The following TBC1D32 variants were observed in gnomAD, a reference collection of about 807,000 sequenced individuals.
TBC1D32 encodes the protein TBC1 domain family member 32.
In TBC1D32, 151 loss-of-function variants were observed where a neutral mutation model predicts 170.3. That is an observed-to-expected ratio of 0.89 (90% CI 0.78 to 1.01). The LOEUF is 1.01. Ranked by LOEUF, TBC1D32 falls within the 50% of genes least tolerant of loss-of-function variation. The probability of loss-of-function intolerance (pLI) is 0.00; values close to 1 mark genes in which losing one functional copy is unlikely to be tolerated. For missense variants in TBC1D32, 1,464 were observed against 1,457.1 expected (o/e 1.00, Z -0.08); for synonymous variants, 498 against 488.0 (o/e 1.02, Z -0.27).
intron 20 of TBC1D32, among the ~76,000 whole-genome samples, chr6:121,228,598 T>C (rs1795339340): frequency 6.6e-6 from 1 of 152,116 alleles, no homozygotes; most frequent in African/African-American, 2.4e-5. Context: ...TTAATTTCAT[T>C]GTGGTTATAG....
At chr6:121,170,397 A>G (rs1437878836) in intron 22 of TBC1D32, 1 of 1,594,974 alleles carries the variant, frequency 6.3e-7, no homozygotes, top group Non-Finnish European at 8.5e-7. Flanking sequence ...TTAATCACCC[A>G]TTTTTACCTG....
In TBC1D32 at chr6:121,192,082, A is replaced by ATATATC. The variant is rs57260767; in HGVS notation, c.2570+12992_2570+12993insGATATA. ...AACTACCCTTTATATATATATATAT[A>ATATATC]TCCTATTAGTTCTATCCTTCTGGGG... On this transcript the variant is annotated intron_variant, in intron 22 of 31. Transcript: ENST00000398212. Among the ~76,000 whole-genome samples, 117 of 133,694 alleles carry ATATATC rather than the reference A, an allele frequency of 8.8e-4. 1 individual carries two copies. Among genetic ancestry groups the ATATATC allele is most frequent in the African/African-American group, 2.9e-3 (112 of 38,850 alleles). 87.7% of individuals were successfully genotyped at this position (133,694 alleles called of 152,430 possible). A position where few individuals can be genotyped will look rare whatever the true frequency, so the allele number is the denominator to read the frequency against.
At chr6:121,269,551 G>A (rs1248086673) in intron 15 of TBC1D32, among the ~76,000 whole-genome samples, 4 of 152,044 alleles carry the variant, frequency 2.6e-5, no homozygotes, top group East Asian at 1.9e-4. Context: ...CAATTCAACA[G>A]GAAGAGCTAA....
rs1419080923 is a variant in TBC1D32 at position 121,079,792 on chromosome 6, C to G, written c.*979G>C. ...CTCCTTTATATTTTCAAGTTCAGTACAAGTAAAATATATCACTAAGGAAAA... is the reference window on the plus strand; with the variant it reads ...CTCCTTTATATTTTCAAGTTCAGTAGAAGTAAAATATATCACTAAGGAAAA... On this transcript the variant is annotated 3_prime_UTR_variant, in exon 32 of 32. Transcript: ENST00000398212. 6.6e-6 allele frequency: 1 copy of G among 151,958 alleles called. No homozygotes were observed. The highest frequency in any genetic ancestry group is 1.9e-4 in the East Asian group (1 of 5,192). 9.4% of individuals were successfully genotyped at this position (151,958 alleles called of 1,614,324 possible).
chr6:121,100,132 C>G (rs1777855868), intron 30 of TBC1D32, among the ~76,000 whole-genome samples: 1 of 151,898 alleles, frequency 6.6e-6, no homozygotes, highest in African/African-American at 2.4e-5. Flanking sequence ...GTCTGAGAGA[C>G]AGTTTGTTAC....
intron 29 of TBC1D32, among the ~76,000 whole-genome samples, chr6:121,111,988 T>C (rs1187627521): frequency 6.6e-6 from 1 of 152,148 alleles, no homozygotes. Context: ...TTGAAGGATA[T>C]ACTTACCTCT....
chr6:121,145,697 A>T (rs1170854515), intron 24 of TBC1D32, among the ~76,000 whole-genome samples: 3 of 152,212 alleles, frequency 2.0e-5, no homozygotes, highest in African/African-American at 7.2e-5. Context: ...ATTTCAAAAC[A>T]TGTTGTACAT....
intron 15 of TBC1D32, among the ~76,000 whole-genome samples, chr6:121,257,243 C>CT (rs113769868): frequency 0.014 from 2,171 of 151,020 alleles, 15 homozygotes; most frequent in Middle Eastern, 0.034. Context: ...GTTTCGTTTC[C>CT]TTTTTTTTTC....
At chr6:121,231,978 C>A (rs1290994551) in intron 20 of TBC1D32, among the ~76,000 whole-genome samples, 1 of 152,094 alleles carries the variant, frequency 6.6e-6, no homozygotes, top group Non-Finnish European at 1.5e-5. Context: ...AATTCCTAGT[C>A]ATAAAGTCTT....
chr6:121,299,146 C>T (rs1038417159), intron 10 of TBC1D32, among the ~76,000 whole-genome samples: 3 of 151,984 alleles, frequency 2.0e-5, no homozygotes, highest in Non-Finnish European at 4.4e-5. Flanking sequence ...TGATGTGAAT[C>T]GAACTACATG....
chr6:121,155,610 A>G (rs1031445295), intron 24 of TBC1D32, among the ~76,000 whole-genome samples: 1 of 152,016 alleles, frequency 6.6e-6, no homozygotes, highest in Non-Finnish European at 1.5e-5. Context: ...CTTTTTACCC[A>G]TTCAGTATAA....
In TBC1D32 at chr6:121,172,133, A is replaced by C. The variant is rs536293576; in HGVS notation, c.2571-11077T>G. On this transcript the variant is annotated intron_variant, in intron 22 of 31. Coordinates refer to ENST00000398212, the MANE Select transcript of TBC1D32 (RefSeq NM_152730.6). ...TATTCTCTCTTGAATGCCACCACGT[A>C]AGATGTGCCTTTCACCTTCCACCAT... is the stretch of plus-strand genomic sequence containing the variant. Among the ~76,000 whole-genome samples the C allele has an allele frequency of 1.6e-4, 25 of 152,242 alleles. 1 individual carries two copies. The East Asian group carries it at 3.5e-3, about 21-fold the overall frequency.
intron 21 of TBC1D32, among the ~76,000 whole-genome samples, chr6:121,220,438 A>G (rs1794359313): frequency 1.3e-5 from 2 of 152,148 alleles, no homozygotes; most frequent in African/African-American, 4.8e-5. Context: ...CTTTAGTTTT[A>G]CGAAGGCTGA....
At chr6:121,326,546 C>T (rs1163060869) in intron 1 of TBC1D32, among the ~76,000 whole-genome samples, 2 of 152,100 alleles carry the variant, frequency 1.3e-5, no homozygotes, top group Non-Finnish European at 2.9e-5. Flanking sequence ...CTGTAAATAG[C>T]AAATATCCTG....
intron 22 of TBC1D32, among the ~76,000 whole-genome samples, chr6:121,179,277 A>ATT (rs1788197654): frequency 6.7e-6 from 1 of 149,976 alleles, no homozygotes; most frequent in Non-Finnish European, 1.5e-5. Context: ...AGACAAAAAC[A>ATT]TATATATATA....
At chr6:121,284,205 G>C (rs1266824856) in intron 12 of TBC1D32, among the ~76,000 whole-genome samples, 1 of 152,032 alleles carries the variant, frequency 6.6e-6, no homozygotes, top group Non-Finnish European at 1.5e-5. Context: ...ATCTGATTAA[G>C]GCTATTTGAG....
intron 30 of TBC1D32, among the ~76,000 whole-genome samples, chr6:121,097,156 A>G (rs941771311): frequency 1.3e-5 from 2 of 152,202 alleles, no homozygotes; most frequent in African/African-American, 4.8e-5. Flanking sequence ...TCATGACTAA[A>G]ACACCAAAAG....
chr6:121,117,204 A>T (rs1430563723), intron 26 of TBC1D32, among the ~76,000 whole-genome samples: 1 of 152,228 alleles, frequency 6.6e-6, no homozygotes, highest in African/African-American at 2.4e-5. Flanking sequence ...CAAATTCTCA[A>T]AAAAGCTTTT....
chr6:121,127,561 G>C (rs1300017042), intron 25 of TBC1D32, among the ~76,000 whole-genome samples: 1 of 152,010 alleles, frequency 6.6e-6, no homozygotes, highest in Non-Finnish European at 1.5e-5. Context: ...CACAAATTTT[G>C]CCATATTTAT....
Sources: allele counts gnomAD v4.1 joint callset (sites outside exome capture counted in the v4.1 genomes callset), GRCh38; gene constraint gnomAD v4.1.1; transcripts MANE v1.5; gene names NCBI Gene and HGNC (gene_info 2026-07-23, HGNC 2026-07-21).